Variants in USP6NL observed in about 807,000 individuals in gnomAD.
USP6NL encodes USP6 N-terminal like.
Under a neutral mutation model 61.9 loss-of-function variants are expected in USP6NL, and 26 were observed. That is an observed-to-expected ratio of 0.42 (90% confidence interval 0.31 to 0.58). The LOEUF (loss-of-function observed/expected upper bound fraction) is 0.58. Among genes scored for constraint, USP6NL ranks in the 20% least tolerant of loss-of-function variants. USP6NL has a pLI of 0.16. For missense variants in USP6NL, 1,114 were observed against 1,034.3 expected (o/e 1.08, Z -1.06); for synonymous variants, 432 against 390.1 (o/e 1.11, Z -1.27).
In USP6NL at chr10:11,602,111, T is replaced by C. The variant is rs936455909; in HGVS notation, c.-83-4394A>G. ...TCCAAATAACAAGGGATTGACTACA[T>C]TGTTAATTCACATTTAATAGATTCT... On this transcript the variant is annotated intron_variant, in intron 1 of 14. Transcript: ENST00000609104. This position sits in a 1 kb window ranked among gnomAD's most constrained non-coding sequence, Gnocchi z 4.8. 6.6e-6 allele frequency among the ~76,000 whole-genome samples: 1 copy of C among 152,210 alleles called. No individual in the cohort carries two copies. The highest frequency in any genetic ancestry group is 6.5e-5 in the Admixed American group (1 of 15,274).
At chr10:11,471,870 A>C (rs111229296) in intron 14 of USP6NL, among the ~76,000 whole-genome samples, 3,345 of 151,894 alleles carry the variant, frequency 0.022, 79 homozygotes, top group African/African-American at 0.06. Flanking sequence ...AGATATACCT[A>C]ATGTAAATGA....
At chr10:11,603,362 G>C (rs1838609681) in intron 1 of USP6NL, among the ~76,000 whole-genome samples, 1 of 152,176 alleles carries the variant, frequency 6.6e-6, no homozygotes, top group Admixed American at 6.5e-5. Context: ...TTTTAAAAAT[G>C]ACCTATAATT....
At chr10:11,550,705 T>C (rs1324246156) in intron 2 of USP6NL, among the ~76,000 whole-genome samples, 1 of 151,722 alleles carries the variant, frequency 6.6e-6, no homozygotes, top group Non-Finnish European at 1.5e-5. Context: ...TGCAGTGAGC[T>C]GAGATCGCGC....
chr10:11,491,391 TCTA>T lies in USP6NL; in HGVS notation c.495-514_495-512del, dbSNP rs1043648817. 7.2e-5 allele frequency among the ~76,000 whole-genome samples: 11 copies of T among 152,206 alleles called. No individual in the cohort carries two copies. Among genetic ancestry groups the T allele is most frequent in the African/African-American group, 2.7e-4 (11 of 41,448 alleles). ...AGGAGTGGCTCCACTCATCATTCTC[TCTA>T]GAGATCCACTAGCAAAGCGTTTGCT... On this transcript the variant is annotated intron_variant, in intron 8 of 14. Transcript: ENST00000609104. The surrounding 1 kb of genome is among the most constrained non-coding windows in gnomAD (Gnocchi z 4.7).
intron 4 of USP6NL, among the ~76,000 whole-genome samples, chr10:11,522,581 T>C (rs887003305): frequency 6.6e-6 from 1 of 152,234 alleles, no homozygotes; most frequent in African/African-American, 2.4e-5. Flanking sequence ...CTATGCTTCA[T>C]TATGTTCATC....
chr10:11,471,249 TAA>T (rs937105982), intron 14 of USP6NL, among the ~76,000 whole-genome samples: 4 of 151,822 alleles, frequency 2.6e-5, no homozygotes, highest in African/African-American at 9.7e-5. Flanking sequence ...GGAATTGGAA[TAA>T]AGACTTACTG....
At chr10:11,488,917 T>A (rs1021024399) in intron 10 of USP6NL, among the ~76,000 whole-genome samples, 185 bp downstream of exon 10, 2 of 152,248 alleles carry the variant, frequency 1.3e-5, no homozygotes, top group African/African-American at 4.8e-5. Context: ...AAAATAAATG[T>A]AAATGTTTTA....
Position 11,532,127 on chromosome 10 carries a change from G to A in USP6NL, c.5-4560C>T. On this transcript the variant is annotated intron_variant, in intron 2 of 14. Transcript: ENST00000609104. The surrounding 1 kb of genome is among the most constrained non-coding windows in gnomAD (Gnocchi z 4.1). ...GACCATTTTTCCTAGAGTACATTTT[G>A]ACAGATGAACGTTAAAAATATAAAC... 3.8e-6 allele frequency: 5 copies of A among 1,317,420 alleles called. No homozygotes were observed. Among genetic ancestry groups the A allele is most frequent in the Non-Finnish European group, 5.3e-6 (5 of 952,116 alleles). 81.6% of individuals were successfully genotyped at this position (1,317,420 alleles called of 1,614,324 possible).
rs1465429923 is a variant in USP6NL at position 11,553,880 on chromosome 10, G to C, written c.5-26313C>G. Among the ~76,000 whole-genome samples, 1 of 131,454 alleles carries C rather than the reference G, an allele frequency of 7.6e-6. No individual in the cohort carries two copies. 86.2% of individuals were successfully genotyped at this position (131,454 alleles called of 152,430 possible). A position where few individuals can be genotyped will look rare whatever the true frequency, so the allele number is the denominator to read the frequency against. ...CACTCCAGCCTGGGCAACAGAGTAA[G>C]ACTCCATCTCAAAAAAAAAAAAAAG... On this transcript the variant is annotated intron_variant, in intron 2 of 14. Coordinates refer to ENST00000609104, the MANE Select transcript of USP6NL (RefSeq NM_014688.5). This position sits in a 1 kb window ranked among gnomAD's most constrained non-coding sequence, Gnocchi z 4.8.
intron 2 of USP6NL, among the ~76,000 whole-genome samples, chr10:11,584,483 G>A (rs995563379): frequency 2.0e-5 from 3 of 152,160 alleles, no homozygotes; most frequent in Admixed American, 6.5e-5. Context: ...ACTGCCAACA[G>A]TGTCCCTGAA....
In USP6NL at chr10:11,470,157, G is replaced by T. The variant is rs1166194809; in HGVS notation, c.1079-6308C>A. ...GAGAGGTGAGGAAGAAGGAAGACGT[G>T]GCGGGGAGGTCACGGAAGGCAAGTA... On this transcript the variant is annotated intron_variant, in intron 14 of 14. Transcript: ENST00000609104. The surrounding 1 kb of genome is among the most constrained non-coding windows in gnomAD (Gnocchi z 5.4). 1.3e-5 allele frequency among the ~76,000 whole-genome samples: 2 copies of T among 152,192 alleles called. No homozygotes were observed. The highest frequency in any genetic ancestry group is 1.5e-5 in the Non-Finnish European group (1 of 68,030).
intron 14 of USP6NL, among the ~76,000 whole-genome samples, chr10:11,473,573 C>G (rs1832846311): frequency 6.6e-6 from 1 of 152,112 alleles, no homozygotes; most frequent in Non-Finnish European, 1.5e-5. Flanking sequence ...AGGCAAAGTG[C>G]CTTGAAAGAG....
chr10:11,502,226 T>G (rs904505686), intron 6 of USP6NL, among the ~76,000 whole-genome samples: 1 of 145,848 alleles, frequency 6.9e-6, no homozygotes, highest in East Asian at 2.1e-4. Context: ...GCCACTGCAC[T>G]CCAGCCTGGG....
intron 2 of USP6NL, among the ~76,000 whole-genome samples, chr10:11,568,030 T>C (rs1837226733): frequency 2.0e-5 from 3 of 152,164 alleles, no homozygotes; most frequent in Admixed American, 6.5e-5. Flanking sequence ...CTCACGTAAC[T>C]GTGGATCAGC....
chr10:11,610,384 T>C (rs551707914), intron 1 of USP6NL, among the ~76,000 whole-genome samples: 17 of 152,336 alleles, frequency 1.1e-4, no homozygotes, highest in African/African-American at 4.1e-4. Context: ...TAATTTATTC[T>C]TATTCAGATG....
chr10:11,552,882 T>G (rs1282625909), intron 2 of USP6NL, among the ~76,000 whole-genome samples: 1 of 152,186 alleles, frequency 6.6e-6, no homozygotes. Context: ...ATGGATATAT[T>G]GTGTAGTGGT....
intron 5 of USP6NL, among the ~76,000 whole-genome samples, chr10:11,516,932 C>T (rs1834982770): frequency 6.6e-6 from 1 of 152,162 alleles, no homozygotes; most frequent in South Asian, 2.1e-4. Flanking sequence ...TTCTTCTTTT[C>T]TTCACCTCCC....
At chr10:11,466,192 A>G (rs1423639740) in intron 14 of USP6NL, among the ~76,000 whole-genome samples, 1 of 152,214 alleles carries the variant, frequency 6.6e-6, no homozygotes, top group Non-Finnish European at 1.5e-5. Context: ...AGCTATCACT[A>G]TTTATTGATG....
intron 7 of USP6NL, among the ~76,000 whole-genome samples, chr10:11,500,599 T>C (rs1314121783): frequency 6.6e-6 from 1 of 152,142 alleles, no homozygotes; most frequent in Non-Finnish European, 1.5e-5. Flanking sequence ...TTTTTATTAA[T>C]AAATAATAAA....
Sources: allele counts gnomAD v4.1 joint callset (sites outside exome capture counted in the v4.1 genomes callset), GRCh38; gene constraint gnomAD v4.1.1; non-coding constraint Gnocchi (gnomAD v3.1); transcripts MANE v1.5; gene names NCBI Gene and HGNC (gene_info 2026-07-23, HGNC 2026-07-21).